The following CLPX variants were observed in gnomAD, a reference collection of about 807,000 sequenced individuals.
CLPX encodes caseinolytic mitochondrial matrix peptidase chaperone subunit X.
Under a neutral mutation model 76.4 loss-of-function variants are expected in CLPX, and 34 were observed. That is an observed-to-expected ratio of 0.45 (90% CI 0.34 to 0.59). The LOEUF is 0.59. CLPX is among the 20% of genes least tolerant of loss of function. The pLI, the probability that CLPX is intolerant of heterozygous loss-of-function variation, is 0.01. For missense variants in CLPX, 613 were observed against 757.0 expected, an observed-to-expected ratio of 0.81 and a Z score of 2.23; for synonymous variants, 248 against 270.9, an observed-to-expected ratio of 0.92 and a Z score of 0.83.
At chr15:65,155,997 C>A in intron 9 of CLPX, 141 bp from the exon 10 acceptor site, 1 of 648,576 alleles carries the variant, frequency 1.5e-6, no homozygotes. Context: ...ATTCCTATAA[C>A]TAACAAGAAA....
chr15:65,167,597 C>T (rs1005416840), intron 3 of CLPX, among the ~76,000 whole-genome samples: 7 of 151,516 alleles, frequency 4.6e-5, no homozygotes, highest in South Asian at 2.1e-4. Flanking sequence ...GAGCATTTTT[C>T]GGGCGTGTTG....
intron 3 of CLPX, among the ~76,000 whole-genome samples, chr15:65,178,508 A>G (rs1377313597): frequency 6.6e-6 from 1 of 152,158 alleles, no homozygotes; most frequent in Non-Finnish European, 1.5e-5. Flanking sequence ...ATACAAAGTC[A>G]CATACATTTA....
rs1430883460 is a variant in CLPX, at chr15:65,185,322, C to G, written c.-169G>C. ...CAGGCCTTCACGCTTCTCTGCCCCA[C>G]AGCCGTCTATTCACCAGAGTAGACA... is the stretch of plus-strand genomic sequence containing the variant. On this transcript the variant is annotated 5_prime_UTR_variant, in exon 1 of 14. Coordinates refer to ENST00000300107, the MANE Select transcript of CLPX (RefSeq NM_006660.5). 3.4e-6 allele frequency: 2 copies of G among 596,658 alleles called. No homozygotes were observed. Among genetic ancestry groups the G allele is most frequent in the Admixed American group, 3.0e-5 (1 of 33,248 alleles). 37.0% of individuals were successfully genotyped at this position (596,658 alleles called of 1,614,324 possible).
At position 65,150,873 on chromosome 15, in the gene CLPX, C is replaced by T; in HGVS notation, c.1852G>A (p.Gly618Arg). 1 of 1,612,878 alleles carries T rather than the reference C, an allele frequency of 6.2e-7. No homozygotes were observed. Among genetic ancestry groups the T allele is most frequent in the Non-Finnish European group, 8.5e-7 (1 of 1,179,382 alleles). Residue 618 changes from glycine (G) to arginine (R), a missense_variant, in exon 14 of 14, where the codon GGA becomes AGA. Gly to Arg is a moderately radical substitution (Grantham distance 125, BLOSUM62 -2). Coordinates refer to ENST00000300107, the MANE Select transcript of CLPX (RefSeq NM_006660.5). ...KESSEEEYDS[G>R]VEEEGWPRQA... is the part of the protein sequence containing the mutation. Reference sequence around the variant, plus strand: ...CGGGGCCATCCTTCTTCTTCAACTCCAGAGTCATACTCCTCTTCAGAGGAT... The same window carrying T: ...CGGGGCCATCCTTCTTCTTCAACTCTAGAGTCATACTCCTCTTCAGAGGAT...
At chr15:65,156,811 T>C in intron 9 of CLPX, 33 bp downstream of exon 9, 1 of 1,397,012 alleles carries the variant, frequency 7.2e-7, no homozygotes, top group East Asian at 2.3e-5. Flanking sequence ...CCCTTCCTTT[T>C]AGTGGGCTTG....
chr15:65,151,983 G>A (rs890114930), intron 13 of CLPX, among the ~76,000 whole-genome samples: 1 of 152,114 alleles, frequency 6.6e-6, no homozygotes, highest in Non-Finnish European at 1.5e-5. Context: ...AGGCTGGAGT[G>A]CAGTGGTGCG....
intron 3 of CLPX, among the ~76,000 whole-genome samples, chr15:65,169,259 C>T (rs937389290): frequency 6.6e-6 from 1 of 151,952 alleles, no homozygotes; most frequent in African/African-American, 2.4e-5. Context: ...CGGCCGATGC[C>T]TGCCTACTTT....
In CLPX at chr15:65,152,144, G is replaced by A. The variant is rs2087729020; in HGVS notation, c.1811+286C>T. ...AGAGTTTCACCATGTTGGCCAGGAT[G>A]GTCTCTATCTCTTGACCTCGTGATC... On this transcript the variant is annotated intron_variant, in intron 13 of 13. Transcript: ENST00000300107. 2.0e-5 allele frequency among the ~76,000 whole-genome samples: 3 copies of A among 152,042 alleles called. No individual in the cohort carries two copies. The South Asian group carries it at 6.2e-4, about 32-fold the overall frequency.
chr15:65,172,530 G>A (rs972611600), intron 3 of CLPX, among the ~76,000 whole-genome samples: 2 of 152,082 alleles, frequency 1.3e-5, no homozygotes, highest in Admixed American at 6.6e-5. Context: ...CTACTCAGGA[G>A]CCTGAGGCTG....
chr15:65,175,061 T>C lies in CLPX; in HGVS notation c.358+3873A>G, dbSNP rs574485567. 1.2e-4 allele frequency among the ~76,000 whole-genome samples: 18 copies of C among 152,336 alleles called. 2 individuals are homozygous for C. In the South Asian group the frequency reaches 3.5e-3, roughly 30 times the overall value. On this transcript the variant is annotated intron_variant, in intron 3 of 13. Coordinates refer to ENST00000300107, the MANE Select transcript of CLPX (RefSeq NM_006660.5). ...AAAGGAGGATCTACATATGCATTCT[T>C]CAAGTAATTAAAAATAATTAAAATT...
At chr15:65,152,755 C>G (rs2087739145) in intron 12 of CLPX, among the ~76,000 whole-genome samples, 2 of 151,014 alleles carry the variant, frequency 1.3e-5, no homozygotes, top group African/African-American at 4.9e-5. Flanking sequence ...GCCACCAAAT[C>G]TGGCCAATTT....
intron 3 of CLPX, among the ~76,000 whole-genome samples, chr15:65,171,630 T>C (rs539872692): frequency 2.6e-5 from 4 of 152,324 alleles, no homozygotes; most frequent in South Asian, 4.1e-4. Flanking sequence ...ATGGGAAAGA[T>C]AGTTACTGCC....
chr15:65,165,544 G>A (rs968180769), intron 4 of CLPX, among the ~76,000 whole-genome samples: 18 of 151,728 alleles, frequency 1.2e-4, no homozygotes, highest in Admixed American at 5.3e-4. Flanking sequence ...CCACCACGCC[G>A]GGCTAATTTT....
rs538980967 is a variant in CLPX, at chr15:65,149,348, G to A, written c.*1475C>T. 1.3e-4 allele frequency: 25 copies of A among 199,784 alleles called. No individual in the cohort carries two copies. The South Asian group carries it at 1.7e-3, about 13-fold the overall frequency. The allele number at this position is 199,784 out of a possible 1,614,324, so 12.4% of individuals were successfully genotyped here. On this transcript the variant is annotated 3_prime_UTR_variant, in exon 14 of 14. Coordinates refer to ENST00000300107, the MANE Select transcript of CLPX (RefSeq NM_006660.5). Reference sequence around the variant, plus strand: ...AAATTAGCCAGGTGTGGTGGTGCACGCCTGTAGTCCCAGCTACTCAGGAGG... The same window carrying A: ...AAATTAGCCAGGTGTGGTGGTGCACACCTGTAGTCCCAGCTACTCAGGAGG...
intron 4 of CLPX, among the ~76,000 whole-genome samples, chr15:65,165,854 A>C (rs964541127): frequency 2.0e-5 from 3 of 152,232 alleles, no homozygotes; most frequent in African/African-American, 7.2e-5. Flanking sequence ...TATACCAATG[A>C]CATTAAATCT....
intron 3 of CLPX, among the ~76,000 whole-genome samples, chr15:65,175,520 C>G (rs971816190): frequency 2.0e-5 from 3 of 152,002 alleles, no homozygotes; most frequent in Admixed American, 1.3e-4. Flanking sequence ...AAACAAAAAA[C>G]AAACAAAAAA....
intron 7 of CLPX, 176 bp downstream of exon 7, chr15:65,158,399 C>T: frequency 1.9e-6 from 1 of 523,800 alleles, no homozygotes; most frequent in Non-Finnish European, 3.3e-6. Context: ...AGGGCAACAC[C>T]AATGCCTCAA....
chr15:65,182,114 G>GT (rs2088182595), intron 1 of CLPX, among the ~76,000 whole-genome samples: 1 of 136,710 alleles, frequency 7.3e-6, no homozygotes, highest in East Asian at 2.1e-4. Context: ...CAGAGTCTCC[G>GT]TCTCAAAAAA....
At chr15:65,162,878 G>T (rs533298543) in intron 5 of CLPX, among the ~76,000 whole-genome samples, 5 of 152,226 alleles carry the variant, frequency 3.3e-5, no homozygotes, top group East Asian at 3.9e-4. Flanking sequence ...TATTGTAAGG[G>T]TATAATAACA....
Sources: gnomAD v4.1 joint callset for allele counts (sites outside exome capture counted in the v4.1 genomes callset) on GRCh38, gnomAD v4.1.1 for gene constraint, MANE v1.5 for transcripts, NCBI Gene and HGNC (gene_info 2026-07-23, HGNC 2026-07-21) for gene names.